The following APAF1 variants were observed in gnomAD, a reference collection of about 807,000 sequenced individuals.
APAF1 encodes the protein apoptotic peptidase activating factor 1, also known as apoptotic protease-activating factor 1.
APAF1 carries 91 observed loss-of-function variants against 152.4 expected under a neutral mutation model. That is an observed-to-expected ratio of 0.60 (90% CI 0.50 to 0.71). APAF1 has a LOEUF of 0.71. APAF1 is among the 30% of genes least tolerant of loss of function. The pLI, the probability that APAF1 is intolerant of heterozygous loss-of-function variation, is 0.00. For missense variants in APAF1, 1,283 were observed against 1,472.0 expected (o/e 0.87, Z 2.10); for synonymous variants, 484 against 494.1 (o/e 0.98, Z 0.27).
At chr12:98,655,469 C>G (rs1301871491) in intron 4 of APAF1, among the ~76,000 whole-genome samples, 1 of 149,600 alleles carries the variant, frequency 6.7e-6, no homozygotes, top group Non-Finnish European at 1.5e-5. Flanking sequence ...CTGACCCCCC[C>G]ACCTCCCTCC....
Position 98,706,514 on chromosome 12 carries a change from G to T in APAF1, c.2625G>T (p.Val875=). 6.2e-7 allele frequency: 1 copy of T among 1,614,000 alleles called. No individual in the cohort carries two copies. The highest frequency in any genetic ancestry group is 8.5e-7 in the Non-Finnish European group (1 of 1,179,904). ...GGAATACAGACTCACGTTCAAAGGT[G>T]GCTGATTGCAGAGGACATTTAAGTT... ...ELWNTDSRSK[V]ADCRGHLSWV... is the part of the protein sequence containing the mutation. Residue 875 remains valine, a synonymous_variant, in exon 19 of 27, where the codon GTG becomes GTT. Transcript: ENST00000551964.
chr12:98,667,630 G>A lies in APAF1; in HGVS notation c.1480G>A (p.Ala494Thr). Reference protein sequence around the residue: ...YNFLAYHMASAKMHKELCALM... With the variant: ...YNFLAYHMASTKMHKELCALM... ...CTTTCTGGCCTATCACATGGCCAGTGCCAAGATGCACAAGGTAAGATGACC... is the reference window on the plus strand; with the variant it reads ...CTTTCTGGCCTATCACATGGCCAGTACCAAGATGCACAAGGTAAGATGACC... The change falls in exon 10 of 27, where the codon GCC (alanine) becomes ACC (threonine). Residue 494 changes from alanine (A) to threonine (T), a missense_variant. Ala to Thr is a moderately conservative substitution (Grantham distance 58). Transcript: ENST00000551964. The A allele has an allele frequency of 1.2e-6, 2 of 1,613,646 alleles. No individual in the cohort carries two copies. Among genetic ancestry groups the A allele is most frequent in the East Asian group, 2.2e-5 (1 of 44,886 alleles).
intron 23 of APAF1, 63 bp from the exon 24 acceptor site, chr12:98,723,576 G>A (rs1297917348): frequency 1.4e-6 from 2 of 1,436,368 alleles, no homozygotes; most frequent in Non-Finnish European, 1.9e-6. Context: ...AGCTGATTAT[G>A]CTTTTTAATA....
intron 5 of APAF1, among the ~76,000 whole-genome samples, chr12:98,661,256 C>G (rs1244814801): frequency 1.3e-5 from 2 of 152,084 alleles, no homozygotes; most frequent in Non-Finnish European, 2.9e-5. Flanking sequence ...ATCACTAACC[C>G]TTCCCTCTTT....
At position 98,733,636 on chromosome 12, in the gene APAF1, G is replaced by A. The variant is rs2097765209; in HGVS notation, c.*1070G>A. 1 of 151,966 alleles carries A rather than the reference G, an allele frequency of 6.6e-6. No individual in the cohort carries two copies. The highest frequency in any genetic ancestry group is 2.4e-5 in the African/African-American group (1 of 41,304). The allele number at this position is 151,966 out of a possible 1,614,324, so 9.4% of individuals were successfully genotyped here. On this transcript the variant is annotated 3_prime_UTR_variant, in exon 27 of 27. Coordinates refer to ENST00000551964, the MANE Select transcript of APAF1 (RefSeq NM_181861.2). Reference sequence around the variant, plus strand: ...TCTTGTAGAGACAGGGTCTCACTATGTTGTCTAGGCTGGTCTTGAACTCTT... The same window carrying A: ...TCTTGTAGAGACAGGGTCTCACTATATTGTCTAGGCTGGTCTTGAACTCTT...
At chr12:98,652,784 G>C (rs2097650543) in intron 4 of APAF1, among the ~76,000 whole-genome samples, 1 of 151,824 alleles carries the variant, frequency 6.6e-6, no homozygotes, top group African/African-American at 2.4e-5. Context: ...CCACCACCAC[G>C]CCTGGCTAAT....
At chr12:98,698,043 G>A (rs1319143991) in intron 16 of APAF1, among the ~76,000 whole-genome samples, 3 of 152,132 alleles carry the variant, frequency 2.0e-5, no homozygotes, top group Non-Finnish European at 4.4e-5. Context: ...TAGTTTATGT[G>A]GTCCCTCAAT....
At chr12:98,725,625 C>T in intron 25 of APAF1, 85 bp downstream of exon 25, 1 of 1,583,220 alleles carries the variant, frequency 6.3e-7, no homozygotes, top group South Asian at 1.1e-5. Context: ...GTTCACGGGC[C>T]AGGGAAGCAT....
intron 4 of APAF1, among the ~76,000 whole-genome samples, chr12:98,657,472 C>G (rs2097659219): frequency 6.6e-6 from 1 of 152,174 alleles, no homozygotes; most frequent in South Asian, 2.1e-4. Context: ...TGGGACTGAT[C>G]CTTTCCTTGA....
At chr12:98,729,509 C>T (rs746448736) in intron 26 of APAF1, among the ~76,000 whole-genome samples, 6 of 152,190 alleles carry the variant, frequency 3.9e-5, no homozygotes, top group Non-Finnish European at 5.9e-5. Flanking sequence ...ACTCACCAGC[C>T]GCTCACCTTC....
rs1346621120 is a variant in APAF1, at chr12:98,653,691, AATATATATAT to A, written c.526+4031_526+4040del. Among the ~76,000 whole-genome samples the A allele has an allele frequency of 3.6e-3, 54 of 15,104 alleles. 2 individuals carry two copies. The highest frequency in any genetic ancestry group is 7.3e-3 in the African/African-American group (36 of 4,938). 9.9% of individuals were successfully genotyped at this position (15,104 alleles called of 152,430 possible). On this transcript the variant is annotated intron_variant, in intron 4 of 26. Transcript: ENST00000551964. Reference sequence around the variant, plus strand: ...AAAAAAAAAAAAAAAAAAAAAAAAAAATATATATATATATATATATATATATATATATAGT... The same window carrying A: ...AAAAAAAAAAAAAAAAAAAAAAAAAAATATATATATATATATATATATAGT...
intron 12 of APAF1, among the ~76,000 whole-genome samples, chr12:98,673,091 C>T (rs893146501): frequency 6.6e-6 from 1 of 151,998 alleles, no homozygotes; most frequent in African/African-American, 2.4e-5. Flanking sequence ...ATGTAAGTAC[C>T]TAAAATTGAC....
intron 20 of APAF1, among the ~76,000 whole-genome samples, chr12:98,709,397 A>G (rs78918342): frequency 2.4e-3 from 359 of 152,258 alleles, no homozygotes; most frequent in African/African-American, 7.9e-3. Context: ...CCAAAGATCC[A>G]TTGGCAGAGG....
intron 7 of APAF1, among the ~76,000 whole-genome samples, chr12:98,665,278 A>ATATATATATATTTT (rs1491316422): frequency 6.1e-5 from 4 of 65,992 alleles, no homozygotes; most frequent in Admixed American, 1.9e-4. Flanking sequence ...ATATATATAT[A>ATATATATATATTTT]TTTTTTTTTT....
At chr12:98,715,405 T>G (rs2097733631) in intron 21 of APAF1, 22 bp from the exon 22 acceptor site, 1 of 1,611,406 alleles carries the variant, frequency 6.2e-7, no homozygotes, top group South Asian at 1.1e-5. Context: ...TTCTTAATTT[T>G]CTGTGTTTTT....
chr12:98,731,655 T>C (rs1019933834), intron 26 of APAF1, among the ~76,000 whole-genome samples: 3 of 152,232 alleles, frequency 2.0e-5, no homozygotes, highest in Non-Finnish European at 4.4e-5. Context: ...GTGACACTAT[T>C]ACTGTGTTCA....
rs140537329 is a variant in APAF1, at chr12:98,648,227, T to A, written c.-41-92T>A. 788 of 1,271,958 alleles carry A rather than the reference T, an allele frequency of 6.2e-4. 6 individuals carry two copies. In the African/African-American group the frequency reaches 0.011, roughly 17 times the overall value. 78.8% of individuals were successfully genotyped at this position (1,271,958 alleles called of 1,614,324 possible). A position where few individuals can be genotyped will look rare whatever the true frequency, so the allele number is the denominator to read the frequency against. ...TTTTGCCAAGGAAAAAAAATCAGTT[T>A]TGTTCTTTTTACGTTTCTTGTTTAT... On this transcript the variant is annotated intron_variant, in intron 1 of 26. Transcript: ENST00000551964.
chr12:98,713,187 CATCTT>C (rs1314263486), intron 21 of APAF1, among the ~76,000 whole-genome samples: 1 of 152,230 alleles, frequency 6.6e-6, no homozygotes, highest in Non-Finnish European at 1.5e-5. Flanking sequence ...AACTAACAAT[CATCTT>C]ATCCAGTTGG....
In APAF1 at chr12:98,727,962, A is replaced by T. The variant is rs546064435; in HGVS notation, c.3600+646A>T. On this transcript the variant is annotated intron_variant, in intron 26 of 26. Transcript: ENST00000551964. ...GTCTCAAAAAAGAAAATAAATAAAT[A>T]AATAAATTAATTAATTAATTAATTA... Among the ~76,000 whole-genome samples the T allele has an allele frequency of 8.0e-3, 1,151 of 143,676 alleles. 7 individuals carry two copies. The highest frequency in any genetic ancestry group is 0.02 in the South Asian group (95 of 4,656). 94.3% of individuals were successfully genotyped at this position (143,676 alleles called of 152,430 possible).
Sources: gnomAD v4.1 joint callset for allele counts (sites outside exome capture counted in the v4.1 genomes callset) on GRCh38, gnomAD v4.1.1 for gene constraint, MANE v1.5 for transcripts, NCBI Gene and HGNC (gene_info 2026-07-23, HGNC 2026-07-21) for gene names.